WDPCP: variants seen among roughly 807,000 people sequenced by gnomAD.
WDPCP encodes WD repeat containing planar cell polarity effector.
Under a neutral mutation model 93.1 loss-of-function variants are expected in WDPCP, and 71 were observed. The ratio of observed to expected loss-of-function variants is 0.76; its 90% CI spans 0.63 to 0.93. WDPCP has a LOEUF of 0.93. WDPCP is among the 40% of genes least tolerant of loss of function. WDPCP has a pLI of 0.00. For synonymous variants in WDPCP, 315 were observed against 315.0 expected (o/e 1.00, Z 0.00); for missense variants, 844 against 887.4 (o/e 0.95, Z 0.62).
intron 13 of WDPCP, among the ~76,000 whole-genome samples, chr2:63,298,212 T>C (rs192587237): frequency 3.3e-5 from 5 of 152,206 alleles, no homozygotes; most frequent in African/African-American, 4.8e-5. Context: ...AGGGGAGGGA[T>C]AGGCCCCCAT....
At chr2:63,651,203 A>C (rs1315652862) in intron 2 of WDPCP, among the ~76,000 whole-genome samples, 3 of 152,212 alleles carry the variant, frequency 2.0e-5, no homozygotes, top group African/African-American at 7.2e-5. Flanking sequence ...CTATTTTTTT[A>C]AAAGCCACTA....
At chr2:63,202,921 C>T (rs79083022) in intron 14 of WDPCP, among the ~76,000 whole-genome samples, 3,078 of 152,140 alleles carry the variant, frequency 0.02, 58 homozygotes, top group Non-Finnish European at 0.033. Flanking sequence ...TGTTACTAAT[C>T]TGAACTTTTT....
At chr2:63,503,003 C>A (rs929969992) in intron 1 of WDPCP, among the ~76,000 whole-genome samples, 4 of 152,204 alleles carry the variant, frequency 2.6e-5, no homozygotes, top group Non-Finnish European at 5.9e-5. Flanking sequence ...AGAACAAATT[C>A]TATGCCTCGA....
At chr2:63,651,472 CAG>C (rs1491075381) in intron 2 of WDPCP, among the ~76,000 whole-genome samples, 9 of 151,932 alleles carry the variant, frequency 5.9e-5, no homozygotes, top group Non-Finnish European at 1.0e-4. Flanking sequence ...CACACACACA[CAG>C]AGAGACTTAT....
intron 17 of WDPCP, among the ~76,000 whole-genome samples, chr2:63,129,013 A>G (rs1670114262): frequency 6.6e-6 from 1 of 152,196 alleles, no homozygotes; most frequent in African/African-American, 2.4e-5. Flanking sequence ...GGTACTTCAT[A>G]TAAGTGGAGT....
chr2:63,442,376 T>C (rs561504216), intron 6 of WDPCP: 2 of 152,180 alleles, frequency 1.3e-5, no homozygotes, highest in Non-Finnish European at 2.9e-5. Context: ...TTATTATTAT[T>C]ATTCAACCAT....
intron 2 of WDPCP, among the ~76,000 whole-genome samples, chr2:63,671,570 C>T (rs147963636): frequency 2.6e-5 from 4 of 151,768 alleles, no homozygotes; most frequent in East Asian, 3.9e-4. Context: ...TTTTTTGACA[C>T]GGAGTCTCAC....
chr2:63,835,077 T>A, the WDPCP span, among the ~76,000 whole-genome samples: 1 of 151,644 alleles, frequency 6.6e-6, no homozygotes, highest in Non-Finnish European at 1.5e-5. Context: ...AAAAAAAAAA[T>A]TGAAGTGCAA....
At chr2:63,159,472 CTT>C (rs1376225305) in intron 15 of WDPCP, among the ~76,000 whole-genome samples, 4 of 152,086 alleles carry the variant, frequency 2.6e-5, no homozygotes, top group Admixed American at 6.5e-5. Context: ...GCATTATTGT[CTT>C]TTACTAATCT....
chr2:63,309,365 A>C (rs1411022434), intron 13 of WDPCP, among the ~76,000 whole-genome samples: 1 of 152,150 alleles, frequency 6.6e-6, no homozygotes, highest in Non-Finnish European at 1.5e-5. Flanking sequence ...TATGAAGCAA[A>C]AACTGACAGG....
chr2:63,743,708 A>G (rs1669757015), intron 2 of WDPCP, among the ~76,000 whole-genome samples: 1 of 152,124 alleles, frequency 6.6e-6, no homozygotes, highest in South Asian at 2.1e-4. Flanking sequence ...TATTAGGGAG[A>G]TTACATTGTA....
upstream of WDPCP, among the ~76,000 whole-genome samples, chr2:63,828,544 A>G (rs955611562): frequency 1.3e-5 from 2 of 152,102 alleles, no homozygotes; most frequent in African/African-American, 2.4e-5. Context: ...ACATTTGTTG[A>G]CTTAATGAAA....
At chr2:63,582,690 T>C (rs1708573730) in intron 1 of WDPCP, among the ~76,000 whole-genome samples, 1 of 151,846 alleles carries the variant, frequency 6.6e-6, no homozygotes, top group African/African-American at 2.4e-5. Flanking sequence ...AAACAGACAC[T>C]TAAGTACAAA....
rs577770223 is a variant in WDPCP at position 63,651,214 on chromosome 2, T to C, written n.309-376A>G. Among the ~76,000 whole-genome samples, 10 of 152,324 alleles carry C rather than the reference T, an allele frequency of 6.6e-5. 1 individual carries two copies. Among genetic ancestry groups the C allele is most frequent in the Admixed American group, 3.3e-4 (5 of 15,296 alleles). ...AATTCTATTTTTTTAAAAGCCACTATACTTTTGAATTTCTTAATTATAGCA... is the reference window on the plus strand; with the variant it reads ...AATTCTATTTTTTTAAAAGCCACTACACTTTTGAATTTCTTAATTATAGCA... On this transcript the variant is annotated intron_variant and non_coding_transcript_variant, in intron 2 of 4. Transcript: ENST00000467687.
intron 2 of WDPCP, among the ~76,000 whole-genome samples, chr2:63,737,767 C>T (rs1184495399): frequency 6.6e-6 from 1 of 152,190 alleles, no homozygotes; most frequent in Non-Finnish European, 1.5e-5. Flanking sequence ...AAATACAGAA[C>T]TGACATAATT....
intron 14 of WDPCP, among the ~76,000 whole-genome samples, chr2:63,192,708 GA>G (rs1675142235): frequency 6.6e-6 from 1 of 152,210 alleles, no homozygotes; most frequent in African/African-American, 2.4e-5. Flanking sequence ...AGTGAGCTAA[GA>G]GAACTTATTG....
At chr2:63,703,293 C>T (rs1669091654) in intron 2 of WDPCP, among the ~76,000 whole-genome samples, 1 of 152,212 alleles carries the variant, frequency 6.6e-6, no homozygotes, top group African/African-American at 2.4e-5. Context: ...TGAGGAATCG[C>T]CACACCAACT....
rs566470891 is a variant in WDPCP, at chr2:63,491,046, T to C, written c.160+1810A>G. Among the ~76,000 whole-genome samples, 44 of 152,354 alleles carry C rather than the reference T, an allele frequency of 2.9e-4. No individual in the cohort carries two copies. The South Asian group carries it at 8.5e-3, about 29-fold the overall frequency. On this transcript the variant is annotated intron_variant, in intron 2 of 17. Coordinates refer to ENST00000272321, the MANE Select transcript of WDPCP (RefSeq NM_015910.7). Reference sequence around the variant, plus strand: ...AATAAGTTCACTTTGGGATTTCTTTTTTCTATTTTCTGAGATTTCTTTTAC... The same window carrying C: ...AATAAGTTCACTTTGGGATTTCTTTCTTCTATTTTCTGAGATTTCTTTTAC...
intron 2 of WDPCP, among the ~76,000 whole-genome samples, chr2:63,730,690 G>A (rs1468939251): frequency 6.6e-6 from 1 of 151,936 alleles, no homozygotes; most frequent in Non-Finnish European, 1.5e-5. Context: ...GATCACCGTG[G>A]TAAGGCAAAG....
Sources: allele counts gnomAD v4.1 joint callset (sites outside exome capture counted in the v4.1 genomes callset), GRCh38; gene constraint gnomAD v4.1.1; transcripts MANE v1.5; gene names NCBI Gene and HGNC (gene_info 2026-07-23, HGNC 2026-07-21).